The following PDE1C variants were observed in gnomAD, a reference collection of about 807,000 sequenced individuals.
PDE1C encodes phosphodiesterase 1C.
A neutral mutation model predicts 93.1 loss-of-function variants in PDE1C; 62 were observed. The observed-to-expected ratio is 0.67, with a 90% confidence interval of 0.54 to 0.82. PDE1C has a LOEUF of 0.82. Ranked by LOEUF, PDE1C falls within the 40% of genes least tolerant of loss-of-function variation. The pLI is 0.00. For synonymous variants in PDE1C, 325 were observed against 310.1 expected (o/e 1.05, Z -0.50); for missense variants, 742 against 884.6 (o/e 0.84, Z 2.04).
chr7:31,812,460 C>T (rs923253428), intron 15 of PDE1C, among the ~76,000 whole-genome samples: 2 of 152,250 alleles, frequency 1.3e-5, no homozygotes. Flanking sequence ...CAAACTATGG[C>T]CCATGGGTCA....
chr7:32,288,673 A>G (rs552078548), intron 1 of PDE1C, among the ~76,000 whole-genome samples: 1 of 152,284 alleles, frequency 6.6e-6, no homozygotes, highest in Admixed American at 6.5e-5. Flanking sequence ...GTAGTTTCCA[A>G]CTGTTTAAGG....
intron 1 of PDE1C, among the ~76,000 whole-genome samples, chr7:32,355,725 G>T (rs1784018216): frequency 6.6e-6 from 1 of 152,252 alleles, no homozygotes; most frequent in Admixed American, 6.5e-5. Flanking sequence ...CCAGGGACAG[G>T]GACTATGACT....
the PDE1C span, among the ~76,000 whole-genome samples, chr7:31,722,196 C>A: frequency 6.6e-6 from 1 of 152,146 alleles, no homozygotes; most frequent in Non-Finnish European, 1.5e-5. Flanking sequence ...GTTCTCTCCA[C>A]CCCTGCTGCA....
chr7:31,772,369 G>A lies in PDE1C; in HGVS notation c.1960+3295C>T, dbSNP rs529477167. 3.4e-4 allele frequency among the ~76,000 whole-genome samples: 52 copies of A among 152,234 alleles called. 1 individual carries two copies. The South Asian group carries it at 9.5e-3, about 28-fold the overall frequency. ...TGTCCACCCCATGTCCTGTATTCAG[G>A]TTATAGCCCTAGCTCTGATTCCCAG... On this transcript the variant is annotated intron_variant, in intron 17 of 17. Transcript: ENST00000396191.
intron 3 of PDE1C, among the ~76,000 whole-genome samples, chr7:32,145,066 G>C (rs140544600): frequency 1.8e-3 from 268 of 152,304 alleles, no homozygotes; most frequent in Non-Finnish European, 3.0e-3. Flanking sequence ...CAGTGCCTCT[G>C]TCAAGCACAG....
At chr7:31,919,602 C>T (rs1311305815) in intron 2 of PDE1C, among the ~76,000 whole-genome samples, 2 of 152,018 alleles carry the variant, frequency 1.3e-5, no homozygotes. Flanking sequence ...ACCTGTATTA[C>T]CCTTAAAAAA....
At chr7:31,680,033 G>A in the PDE1C span, among the ~76,000 whole-genome samples, 1 of 152,130 alleles carries the variant, frequency 6.6e-6, no homozygotes, top group African/African-American at 2.4e-5. Context: ...GAGAGTGTCC[G>A]GATGCACCTT....
chr7:32,017,222 T>G (rs921208949), intron 2 of PDE1C, among the ~76,000 whole-genome samples: 5 of 152,002 alleles, frequency 3.3e-5, no homozygotes, highest in African/African-American at 1.2e-4. Flanking sequence ...TTGACAAGAG[T>G]GCCAAGATAA....
At chr7:31,950,748 C>T (rs1807256621) in intron 2 of PDE1C, among the ~76,000 whole-genome samples, 1 of 152,132 alleles carries the variant, frequency 6.6e-6, no homozygotes, top group Non-Finnish European at 1.5e-5. Flanking sequence ...CCACAGTGAA[C>T]ATTACCCAGA....
At chr7:32,109,428 T>C (rs897971861) in intron 3 of PDE1C, among the ~76,000 whole-genome samples, 4 of 152,184 alleles carry the variant, frequency 2.6e-5, no homozygotes, top group African/African-American at 9.7e-5. Flanking sequence ...GCCCATCTAA[T>C]ACGTCTGAAT....
intron 1 of PDE1C, among the ~76,000 whole-genome samples, chr7:32,284,362 C>T (rs975800647): frequency 1.3e-4 from 20 of 152,276 alleles, no homozygotes; most frequent in African/African-American, 4.6e-4. Context: ...GCCTCTGTTT[C>T]CTCACCTATA....
At chr7:31,797,221 C>T (rs1037155354) in intron 16 of PDE1C, among the ~76,000 whole-genome samples, 4 of 151,736 alleles carry the variant, frequency 2.6e-5, no homozygotes, top group Admixed American at 6.6e-5. Flanking sequence ...ACCCAAAGCA[C>T]TCCAGATATT....
At chr7:31,857,354 T>C (rs553687100) in intron 7 of PDE1C, among the ~76,000 whole-genome samples, 1 of 152,260 alleles carries the variant, frequency 6.6e-6, no homozygotes, top group Non-Finnish European at 1.5e-5. Context: ...GACTTCCCTA[T>C]ATATCGCAGT....
the PDE1C span, among the ~76,000 whole-genome samples, chr7:31,685,534 T>G: frequency 6.6e-6 from 1 of 152,172 alleles, no homozygotes; most frequent in Non-Finnish European, 1.5e-5. Context: ...TCTTTTCCAC[T>G]CAAGTGTGGA....
intron 7 of PDE1C, among the ~76,000 whole-genome samples, chr7:31,855,069 TAA>T (rs70989615): frequency 8.9e-4 from 95 of 107,040 alleles, no homozygotes; most frequent in South Asian, 2.2e-3. Context: ...TCCCTCTGTC[TAA>T]AAAAAAAAAA....
intron 11 of PDE1C, among the ~76,000 whole-genome samples, chr7:31,834,743 G>A (rs374988868): frequency 5.9e-5 from 9 of 152,186 alleles, no homozygotes; most frequent in Admixed American, 2.6e-4. Flanking sequence ...TGTCTCAGAT[G>A]AGACTTCGAA....
intron 6 of PDE1C, among the ~76,000 whole-genome samples, chr7:31,868,657 C>T (rs1273097784): frequency 6.6e-6 from 1 of 152,012 alleles, no homozygotes; most frequent in Non-Finnish European, 1.5e-5. Flanking sequence ...AATTCCCAAA[C>T]GTAGCAATAG....
rs544243025 is a variant in PDE1C, at chr7:31,973,561, A to G, written c.128+77993T>C. Among the ~76,000 whole-genome samples, 21 of 152,260 alleles carry G rather than the reference A, an allele frequency of 1.4e-4. No homozygotes were observed. In the South Asian group the frequency reaches 4.3e-3, roughly 32 times the overall value. Reference sequence around the variant, plus strand: ...ATGGATAGAATTATAACACAATATAATGTTTATAATGTGTTAGATACAAGC... The same window carrying G: ...ATGGATAGAATTATAACACAATATAGTGTTTATAATGTGTTAGATACAAGC... On this transcript the variant is annotated intron_variant, in intron 2 of 17. Transcript: ENST00000396191.
chr7:32,010,807 G>T (rs1403548237), intron 2 of PDE1C, among the ~76,000 whole-genome samples: 1 of 152,112 alleles, frequency 6.6e-6, no homozygotes, highest in East Asian at 1.9e-4. Flanking sequence ...CTCTGCACTT[G>T]TGTCTAAATT....
Sources: gnomAD v4.1 joint callset for allele counts (sites outside exome capture counted in the v4.1 genomes callset) on GRCh38, gnomAD v4.1.1 for gene constraint, MANE v1.5 for transcripts, NCBI Gene and HGNC (gene_info 2026-07-23, HGNC 2026-07-21) for gene names.